Variants in KIAA1549L observed in about 807,000 individuals in gnomAD.
KIAA1549L encodes KIAA1549 like.
KIAA1549L carries 88 observed loss-of-function variants against 160.7 expected under a neutral mutation model. The ratio of observed to expected loss-of-function variants is 0.55; its 90% CI spans 0.46 to 0.65. The LOEUF (loss-of-function observed/expected upper bound fraction) is 0.65, where lower values mean the gene tolerates loss of function less well. Among genes scored for constraint, KIAA1549L ranks in the 30% least tolerant of loss-of-function variants. KIAA1549L has a pLI of 0.00. For missense variants in KIAA1549L, 2,258 were observed against 2,437.5 expected, an observed-to-expected ratio of 0.93 and a Z score of 1.55; for synonymous variants, 950 against 976.7, an observed-to-expected ratio of 0.97 and a Z score of 0.51.
At chr11:33,586,763 C>T (rs1311467236) in intron 11 of KIAA1549L, among the ~76,000 whole-genome samples, 1 of 152,096 alleles carries the variant, frequency 6.6e-6, no homozygotes. Context: ...GATAACTTAC[C>T]CAGCTCTGTG....
At chr11:33,589,800 T>C (rs1849993860) in intron 11 of KIAA1549L, among the ~76,000 whole-genome samples, 1 of 152,110 alleles carries the variant, frequency 6.6e-6, no homozygotes, top group African/African-American at 2.4e-5. Flanking sequence ...TAGGAGGATA[T>C]ACCTAATGTT....
intron 1 of KIAA1549L, among the ~76,000 whole-genome samples, chr11:33,486,949 A>G (rs1852541151): frequency 6.6e-6 from 1 of 152,206 alleles, no homozygotes; most frequent in Non-Finnish European, 1.5e-5. Context: ...CAAACACTTT[A>G]TGGACCCATG....
chr11:33,659,218 C>T (rs1018946047), intron 19 of KIAA1549L, among the ~76,000 whole-genome samples: 4 of 152,134 alleles, frequency 2.6e-5, no homozygotes, highest in African/African-American at 9.7e-5. Context: ...CATTTCATTC[C>T]CCTTCTCTCA....
intron 16 of KIAA1549L, among the ~76,000 whole-genome samples, chr11:33,641,466 T>C (rs1365800356): frequency 6.6e-6 from 1 of 151,526 alleles, no homozygotes; most frequent in East Asian, 1.9e-4. Context: ...ATCCTTATAG[T>C]AATCTATAAG....
chr11:33,539,623 C>T (rs1853969615), intron 1 of KIAA1549L, among the ~76,000 whole-genome samples: 2 of 152,210 alleles, frequency 1.3e-5, no homozygotes, highest in East Asian at 3.8e-4. Flanking sequence ...TTTTCAGTAG[C>T]AACTTCCTGA....
chr11:33,638,050 C>A (rs1221943001), intron 16 of KIAA1549L, among the ~76,000 whole-genome samples: 3 of 152,178 alleles, frequency 2.0e-5, no homozygotes, highest in Non-Finnish European at 4.4e-5. Context: ...CTCAGAGAAG[C>A]TTTCCCTGAC....
chr11:33,499,209 G>T (rs1429379472), intron 1 of KIAA1549L, among the ~76,000 whole-genome samples: 1 of 152,150 alleles, frequency 6.6e-6, no homozygotes, highest in Non-Finnish European at 1.5e-5. Context: ...CCAAACTCAG[G>T]AACTGAGTAG....
intron 1 of KIAA1549L, among the ~76,000 whole-genome samples, chr11:33,385,296 T>C (rs983003321): frequency 9.8e-5 from 15 of 152,378 alleles, no homozygotes; most frequent in African/African-American, 3.1e-4. Flanking sequence ...CTTCTCTCCA[T>C]ATGCCAGTAC....
At chr11:33,478,288 C>G (rs763105106) in intron 1 of KIAA1549L, among the ~76,000 whole-genome samples, 11 of 152,162 alleles carry the variant, frequency 7.2e-5, no homozygotes, top group Non-Finnish European at 1.6e-4. Context: ...AAGTTTTGTT[C>G]TAGCCTGACA....
chr11:33,574,500 T>C (rs896515569), intron 9 of KIAA1549L, among the ~76,000 whole-genome samples: 1 of 152,244 alleles, frequency 6.6e-6, no homozygotes, highest in African/African-American at 2.4e-5. Context: ...TTCGTATTTT[T>C]CAAACCTTTT....
At chr11:33,570,807 C>T (rs1271385774) in intron 9 of KIAA1549L, among the ~76,000 whole-genome samples, 2 of 152,094 alleles carry the variant, frequency 1.3e-5, no homozygotes, top group East Asian at 1.9e-4. Flanking sequence ...AATTTGTAAT[C>T]GAAGTAAGGC....
At chr11:33,388,634 C>G (rs930127427) in intron 1 of KIAA1549L, among the ~76,000 whole-genome samples, 11 of 152,212 alleles carry the variant, frequency 7.2e-5, no homozygotes, top group African/African-American at 2.7e-4. Flanking sequence ...TCATGACCCT[C>G]TTTCCATGCT....
At chr11:33,603,616 G>T (rs1850420798) in intron 13 of KIAA1549L, among the ~76,000 whole-genome samples, 1 of 152,124 alleles carries the variant, frequency 6.6e-6, no homozygotes, top group Non-Finnish European at 1.5e-5. Flanking sequence ...AGACCAGCCT[G>T]GCCAACATGG....
At chr11:33,602,686 C>T (rs1335060129) in intron 13 of KIAA1549L, among the ~76,000 whole-genome samples, 1 of 152,172 alleles carries the variant, frequency 6.6e-6, no homozygotes, top group African/African-American at 2.4e-5. Flanking sequence ...TCACTGTGGC[C>T]CCTTAAGCAT....
chr11:33,532,488 A>G (rs942740933), intron 1 of KIAA1549L, among the ~76,000 whole-genome samples: 1 of 152,216 alleles, frequency 6.6e-6, no homozygotes, highest in Non-Finnish European at 1.5e-5. Context: ...TTTAACCCTT[A>G]AAACCATTCG....
Position 33,543,604 on chromosome 11 carries a change from T to A in KIAA1549L, c.2041T>A (p.Ser681Thr). The A allele has an allele frequency of 1.2e-6, 2 of 1,613,970 alleles. No individual in the cohort carries two copies. Among genetic ancestry groups the A allele is most frequent in the Non-Finnish European group, 1.7e-6 (2 of 1,179,858 alleles). ...GCCCTCCTCCATGGATGTATATGAT[T>A]CCTTAACAATAGGAGACATGAAAAA... ...ASPSSMDVYD[S>T]LTIGDMKKPA... The change falls in exon 2 of 21, where the codon TCC becomes ACC. Residue 681 changes from serine (S) to threonine (T), a missense_variant. Physicochemically the swap from Ser to Thr is moderately conservative, Grantham distance 58. Transcript: ENST00000658780.
rs572997438 is a variant in KIAA1549L at position 33,668,851 on chromosome 11, G to C, written c.*697G>C. The C allele has an allele frequency of 6.6e-6, 1 of 152,294 alleles. No individual in the cohort carries two copies. Among genetic ancestry groups the C allele is most frequent in the East Asian group, 1.9e-4 (1 of 5,190 alleles). 9.4% of individuals were successfully genotyped at this position (152,294 alleles called of 1,614,324 possible). A position where few individuals can be genotyped will look rare whatever the true frequency, so the allele number is the denominator to read the frequency against. ...ATTTGCGTTGACAGATTTTTTAAAA[G>C]GTGTTGCCATTTTGGAAATAAAAGT... On this transcript the variant is annotated 3_prime_UTR_variant, in exon 21 of 21. Coordinates refer to ENST00000658780, the MANE Select transcript of KIAA1549L (RefSeq NM_012194.3).
chr11:33,457,435 C>A lies in KIAA1549L; in HGVS notation c.238+80546C>A, dbSNP rs545702580. ...AAATGTGGCCTTTAACATCCTGTTA[C>A]CCAAAGCATCTGGACCTCTCAGCCA... On this transcript the variant is annotated intron_variant, in intron 1 of 20. Coordinates refer to ENST00000658780, the MANE Select transcript of KIAA1549L (RefSeq NM_012194.3). Among the ~76,000 whole-genome samples the A allele has an allele frequency of 2.6e-5, 4 of 152,296 alleles. No individual in the cohort carries two copies. The East Asian group carries it at 7.7e-4, about 29-fold the overall frequency.
chr11:33,429,262 G>A (rs995864414), intron 1 of KIAA1549L, among the ~76,000 whole-genome samples: 12 of 152,174 alleles, frequency 7.9e-5, no homozygotes, highest in Admixed American at 5.9e-4. Flanking sequence ...GTGAGCCACC[G>A]TTCCCAGCCC....
Sources: gnomAD v4.1 joint callset for allele counts (sites outside exome capture counted in the v4.1 genomes callset) on GRCh38, gnomAD v4.1.1 for gene constraint, MANE v1.5 for transcripts, NCBI Gene and HGNC (gene_info 2026-07-23, HGNC 2026-07-21) for gene names.